Variants in SNX29 observed in about 807,000 individuals in gnomAD.
SNX29 encodes sorting nexin-29.
SNX29 carries 78 observed loss-of-function variants against 102.1 expected under a neutral mutation model. The ratio of observed to expected loss-of-function variants is 0.76; its 90% CI spans 0.64 to 0.92. The LOEUF (loss-of-function observed/expected upper bound fraction) is 0.92, where lower values mean the gene tolerates loss of function less well. SNX29 is among the 40% of genes least tolerant of loss of function. The pLI is 0.00. For missense variants in SNX29, 1,280 were observed against 1,061.7 expected, an observed-to-expected ratio of 1.21 and a Z score of -2.86; for synonymous variants, 580 against 414.5, an observed-to-expected ratio of 1.40 and a Z score of -4.85.
intron 20 of SNX29, among the ~76,000 whole-genome samples, chr16:12,553,041 A>G (rs1280236011): frequency 6.6e-6 from 1 of 152,230 alleles, no homozygotes; most frequent in Admixed American, 6.5e-5. Flanking sequence ...GGCTGGGGAC[A>G]CTAATTGGAG....
chr16:12,522,536 G>A (rs1420439468), intron 19 of SNX29, among the ~76,000 whole-genome samples: 1 of 152,166 alleles, frequency 6.6e-6, no homozygotes, highest in Non-Finnish European at 1.5e-5. Context: ...CTGGTGGGAG[G>A]TGACTGGATC....
chr16:12,548,770 C>G (rs896596803), intron 20 of SNX29, among the ~76,000 whole-genome samples: 3 of 152,156 alleles, frequency 2.0e-5, no homozygotes, highest in African/African-American at 7.2e-5. Context: ...TCTCTCATCC[C>G]CCAGCCACCA....
intron 11 of SNX29, among the ~76,000 whole-genome samples, chr16:12,113,117 C>T (rs1047221068): frequency 6.6e-6 from 1 of 152,218 alleles, no homozygotes; most frequent in Non-Finnish European, 1.5e-5. Flanking sequence ...TCCTCTGCTT[C>T]CCTTCCCTGC....
intron 19 of SNX29, among the ~76,000 whole-genome samples, chr16:12,508,896 G>A (rs7202051): frequency 1.3e-5 from 2 of 152,034 alleles, no homozygotes; most frequent in Non-Finnish European, 2.9e-5. Context: ...TGGCCCTGGA[G>A]TCCCTACACT....
At chr16:12,219,372 T>A (rs1480767360) in intron 14 of SNX29, among the ~76,000 whole-genome samples, 1 of 152,164 alleles carries the variant, frequency 6.6e-6, no homozygotes, top group African/African-American at 2.4e-5. Context: ...ATATAGTCAT[T>A]GAGACACAAC....
chr16:12,246,493 T>G (rs937098781), intron 14 of SNX29, among the ~76,000 whole-genome samples: 2 of 151,884 alleles, frequency 1.3e-5, no homozygotes, highest in Non-Finnish European at 2.9e-5. Flanking sequence ...ATACTAAAAT[T>G]AGCTGGGTGT....
At chr16:12,541,854 T>C (rs1023176010) in intron 20 of SNX29, among the ~76,000 whole-genome samples, 3 of 152,162 alleles carry the variant, frequency 2.0e-5, no homozygotes, top group Non-Finnish European at 4.4e-5. Context: ...TTGTAGCACA[T>C]GCCTGGAAAC....
intron 16 of SNX29, chr16:12,373,523 A>T (rs1455210617): frequency 6.6e-6 from 1 of 152,202 alleles, no homozygotes; most frequent in Non-Finnish European, 1.5e-5. Flanking sequence ...CATCCAAAGT[A>T]GGGAATAAAA....
At chr16:12,144,508 C>T (rs1025670368) in intron 13 of SNX29, among the ~76,000 whole-genome samples, 2 of 152,188 alleles carry the variant, frequency 1.3e-5, no homozygotes, top group East Asian at 1.9e-4. Context: ...AGGTGCGATT[C>T]ATGCTGTTAT....
chr16:12,512,620 C>T (rs761307654), intron 19 of SNX29, among the ~76,000 whole-genome samples: 2 of 147,656 alleles, frequency 1.4e-5, no homozygotes, highest in Admixed American at 7.1e-5. Context: ...TCGAGGGAGA[C>T]GAGCATCCCA....
intron 14 of SNX29, among the ~76,000 whole-genome samples, chr16:12,257,905 CT>C (rs2078622807): frequency 6.6e-6 from 1 of 152,268 alleles, no homozygotes; most frequent in East Asian, 1.9e-4. Context: ...CAGACTTTGT[CT>C]CTGATTTACA....
chr16:12,389,986 GA>G (rs2083467342), intron 16 of SNX29, among the ~76,000 whole-genome samples: 1 of 152,184 alleles, frequency 6.6e-6, no homozygotes, highest in Non-Finnish European at 1.5e-5. Context: ...CCAATTGGTT[GA>G]AAATTCATAA....
intron 15 of SNX29, among the ~76,000 whole-genome samples, chr16:12,346,633 CTCTTGTGTGTTCT>C (rs2081817979): frequency 6.6e-6 from 1 of 152,200 alleles, no homozygotes; most frequent in African/African-American, 2.4e-5. Flanking sequence ...GCATGAGTGC[CTCTTGTGTGTTCT>C]TCTTAAAGGA....
At chr16:12,566,271 C>T (rs1235475345) in intron 20 of SNX29, among the ~76,000 whole-genome samples, 1 of 152,180 alleles carries the variant, frequency 6.6e-6, no homozygotes, top group East Asian at 1.9e-4. Context: ...GACAGCACTG[C>T]CCACAGCAGG....
intron 9 of SNX29, among the ~76,000 whole-genome samples, chr16:12,067,648 C>G (rs1460660071): frequency 2.0e-5 from 3 of 152,144 alleles, no homozygotes; most frequent in African/African-American, 4.8e-5. Context: ...CTACCTCGCA[C>G]AGCTAATTTT....
At chr16:12,158,365 A>G (rs1350621568) in intron 13 of SNX29, among the ~76,000 whole-genome samples, 2 of 151,836 alleles carry the variant, frequency 1.3e-5, no homozygotes, top group Non-Finnish European at 2.9e-5. Context: ...ACACCCGGCT[A>G]ATTTTTGTAT....
At chr16:12,539,555 G>T (rs1458444944) in intron 20 of SNX29, among the ~76,000 whole-genome samples, 1 of 152,210 alleles carries the variant, frequency 6.6e-6, no homozygotes, top group Admixed American at 6.5e-5. Flanking sequence ...ACATTCAAGT[G>T]CAGCTTTTTG....
rs567428998 is a variant in SNX29 at position 12,181,505 on chromosome 16, G to A, written c.1596-18096G>A. On this transcript the variant is annotated intron_variant, in intron 13 of 20. Transcript: ENST00000566228. Reference sequence around the variant, plus strand: ...ATAGGCATTCAGCTCAGTGAGTAGAGGGGTGACTTTGAATAGAATGGGAGG... The same window carrying A: ...ATAGGCATTCAGCTCAGTGAGTAGAAGGGTGACTTTGAATAGAATGGGAGG... 4.1e-4 allele frequency among the ~76,000 whole-genome samples: 62 copies of A among 152,320 alleles called. 1 individual carries two copies. The Middle Eastern group carries it at 0.014, about 33-fold the overall frequency.
At chr16:11,981,136 T>G (rs1351953938) in intron 1 of SNX29, among the ~76,000 whole-genome samples, 3 of 152,046 alleles carry the variant, frequency 2.0e-5, no homozygotes, top group Admixed American at 2.0e-4. Context: ...CCCAGCTAAC[T>G]TTTTTGTTGT....
Sources: allele counts gnomAD v4.1 joint callset (sites outside exome capture counted in the v4.1 genomes callset), GRCh38; gene constraint gnomAD v4.1.1; transcripts MANE v1.5; gene names NCBI Gene and HGNC (gene_info 2026-07-23, HGNC 2026-07-21).